The following AFTPH variants were observed in gnomAD, a reference collection of about 807,000 sequenced individuals.
The protein encoded by AFTPH is aftiphilin.
In AFTPH, 7 loss-of-function variants were observed where a neutral mutation model predicts 72.5. The observed-to-expected ratio is 0.10, with a 90% CI of 0.05 to 0.18. AFTPH has a LOEUF of 0.18. Ranked by LOEUF, AFTPH falls within the 10% of genes least tolerant of loss-of-function variation. The probability of loss-of-function intolerance (pLI) is 1.00; values close to 1 mark genes in which losing one functional copy is unlikely to be tolerated. For missense variants in AFTPH, 979 were observed against 1,060.5 expected, an observed-to-expected ratio of 0.92 and a Z score of 1.07; for synonymous variants, 337 against 370.1, an observed-to-expected ratio of 0.91 and a Z score of 1.03.
chr2:64,544,276 G>T (rs1670427872), intron 1 of AFTPH, among the ~76,000 whole-genome samples: 1 of 152,132 alleles, frequency 6.6e-6, no homozygotes, highest in African/African-American at 2.4e-5. Flanking sequence ...AGGATATCCT[G>T]TTTGCTACCC....
chr2:64,561,684 G>GA (rs1012265414), intron 2 of AFTPH, among the ~76,000 whole-genome samples: 38 of 148,794 alleles, frequency 2.6e-4, no homozygotes, highest in Non-Finnish European at 3.3e-4. Flanking sequence ...CTCTTAAAAA[G>GA]AAAAAAAAAA....
chr2:64,566,633 T>C (rs1394879799), intron 2 of AFTPH, among the ~76,000 whole-genome samples: 1 of 152,132 alleles, frequency 6.6e-6, no homozygotes, highest in Non-Finnish European at 1.5e-5. Flanking sequence ...TTGGGCTAAG[T>C]TGGAAAATAT....
At chr2:64,584,744 CCA>C (rs1673405829) in intron 7 of AFTPH, among the ~76,000 whole-genome samples, 2 of 151,926 alleles carry the variant, frequency 1.3e-5, no homozygotes, top group Admixed American at 6.6e-5. Context: ...CTACAGGCGC[CCA>C]CCACCATGCC....
intron 1 of AFTPH, among the ~76,000 whole-genome samples, chr2:64,546,491 C>T (rs1178982048): frequency 1.3e-5 from 2 of 151,928 alleles, no homozygotes; most frequent in African/African-American, 4.8e-5. Context: ...ACAGTGTTTA[C>T]TTAGCTAGAA....
chr2:64,539,855 A>T (rs1670120487), intron 1 of AFTPH, among the ~76,000 whole-genome samples: 1 of 152,142 alleles, frequency 6.6e-6, no homozygotes, highest in Admixed American at 6.6e-5. Context: ...AAGTCGAGAG[A>T]GTGAATAGGC....
In AFTPH at chr2:64,569,184, T is replaced by A. The variant is rs1340394152; in HGVS notation, c.2180T>A (p.Leu727His). ...GGCGGCTCCCATAGCAACAAGAAGCTTTTGTCCTCCTTGGGAATAGACACC... is the reference window on the plus strand; with the variant it reads ...GGCGGCTCCCATAGCAACAAGAAGCATTTGTCCTCCTTGGGAATAGACACC... Residue 727 changes from leucine to histidine, a missense_variant, in exon 4 of 9, where the codon CTT (leucine) becomes CAT (histidine). Physicochemically the swap from Leu to His is moderately conservative, Grantham distance 99. Around this residue, in one of 3 missense-constraint regions of AFTPH, gnomAD observed 438 missense variants for 530.0 expected, o/e 0.83. Transcript: ENST00000238856. The A allele has an allele frequency of 2.5e-6, 4 of 1,613,978 alleles. No homozygotes were observed. Among genetic ancestry groups the A allele is most frequent in the Non-Finnish European group, 3.4e-6 (4 of 1,179,906 alleles).
chr2:64,531,179 T>G (rs1669614040), intron 1 of AFTPH, among the ~76,000 whole-genome samples: 1 of 152,140 alleles, frequency 6.6e-6, no homozygotes, highest in Non-Finnish European at 1.5e-5. Context: ...TTTTCCAGAT[T>G]TTACCATCAT....
rs1446927902 is a variant in AFTPH at position 64,550,701 on chromosome 2, A to G, written c.-32-742A>G. Among the ~76,000 whole-genome samples the G allele has an allele frequency of 2.7e-5, 4 of 150,704 alleles. No individual in the cohort carries two copies. The South Asian group carries it at 6.3e-4, about 24-fold the overall frequency. On this transcript the variant is annotated intron_variant, in intron 1 of 8. Coordinates refer to ENST00000238856, the Ensembl canonical transcript of AFTPH. Reference sequence around the variant, plus strand: ...TGCACACACACACACACACACACACACACACACACACACACACACACACAC... The same window carrying G: ...TGCACACACACACACACACACACACGCACACACACACACACACACACACAC...
chr2:64,530,946 C>T (rs540561747), intron 1 of AFTPH, among the ~76,000 whole-genome samples: 2 of 151,394 alleles, frequency 1.3e-5, no homozygotes, highest in African/African-American at 2.4e-5. Context: ...CTTGTAATCC[C>T]AGCTACTCGG....
chr2:64,589,001 A>T (rs1385513196), intron 8 of AFTPH, among the ~76,000 whole-genome samples: 1 of 152,182 alleles, frequency 6.6e-6, no homozygotes, highest in African/African-American at 2.4e-5. Flanking sequence ...ATCTTTTCCA[A>T]TTCTGCAGGT....
chr2:64,538,650 C>CT (rs1363899095), intron 1 of AFTPH, among the ~76,000 whole-genome samples: 1 of 152,104 alleles, frequency 6.6e-6, no homozygotes, highest in Non-Finnish European at 1.5e-5. Context: ...ATCTTTTTCT[C>CT]TTAATTGATG....
At position 64,577,098 on chromosome 2, in the gene AFTPH, T is replaced by G. The variant is rs985837502; in HGVS notation, c.2395-2388T>G. The stretch of plus-strand genomic sequence containing the variant: ...TTACAGCATTGGAAAGGCTAAGTGA[T>G]TTACCCAAAACCATGTATTAGTGGT... On this transcript the variant is annotated intron_variant, in intron 6 of 8. Coordinates refer to ENST00000238856, the Ensembl canonical transcript of AFTPH. Among the ~76,000 whole-genome samples the G allele has an allele frequency of 5.9e-5, 9 of 152,176 alleles. 1 individual carries two copies. The highest frequency in any genetic ancestry group is 5.9e-4 in the Admixed American group (9 of 15,282).
At chr2:64,576,120 T>C (rs868246414) in intron 6 of AFTPH, among the ~76,000 whole-genome samples, 3 of 131,156 alleles carry the variant, frequency 2.3e-5, no homozygotes, top group Non-Finnish European at 1.6e-5. Flanking sequence ...CACACACACG[T>C]GTGTCATACA....
intron 1 of AFTPH, among the ~76,000 whole-genome samples, chr2:64,535,305 A>T (rs1394645154): frequency 6.6e-6 from 1 of 152,204 alleles, no homozygotes; most frequent in Non-Finnish European, 1.5e-5. Flanking sequence ...CGAAACTTTT[A>T]AAAAAGATGT....
intron 1 of AFTPH, among the ~76,000 whole-genome samples, chr2:64,525,132 G>T (rs1669177049): frequency 6.6e-6 from 1 of 152,210 alleles, no homozygotes; most frequent in Non-Finnish European, 1.5e-5. Context: ...AACAGGCAGA[G>T]GGGACAGCCC....
In AFTPH at chr2:64,553,398, A is replaced by G. The variant is rs185828021; in HGVS notation, c.1924A>G (p.Thr642Ala). The G allele has an allele frequency of 4.0e-5, 63 of 1,579,050 alleles. No homozygotes were observed. In the East Asian group the frequency reaches 7.0e-4, roughly 17 times the overall value. ...TAGTGGCCATTTACAGGAATCAGCC[A>G]CTTCAGTTCAGGTATTTACTAATTT... Residue 642 changes from threonine to alanine, a missense_variant, in exon 2 of 9, where the codon ACT becomes GCT. Thr to Ala is a moderately conservative substitution (Grantham distance 58). Transcript: ENST00000238856.
At chr2:64,589,638 G>C (rs1162241688) in intron 8 of AFTPH, among the ~76,000 whole-genome samples, 1 of 152,016 alleles carries the variant, frequency 6.6e-6, no homozygotes, top group Non-Finnish European at 1.5e-5. Flanking sequence ...TCTGAAATAA[G>C]GCAATTGTTT....
In AFTPH at chr2:64,584,885, C is replaced by T. The variant is rs964052066; in HGVS notation, c.2456-537C>T. ...TGCTGGGATTACAGGCGTGAGCCACCGCGCCTGGCCAGTCATGATATATTT... is the reference window on the plus strand; with the variant it reads ...TGCTGGGATTACAGGCGTGAGCCACTGCGCCTGGCCAGTCATGATATATTT... On this transcript the variant is annotated intron_variant, in intron 7 of 8. Transcript: ENST00000238856. Among the ~76,000 whole-genome samples the T allele has an allele frequency of 3.9e-5, 6 of 152,102 alleles. No homozygotes were observed. The East Asian group carries it at 5.8e-4, about 15-fold the overall frequency.
At chr2:64,542,764 C>G (rs1670333877) in intron 1 of AFTPH, among the ~76,000 whole-genome samples, 1 of 152,038 alleles carries the variant, frequency 6.6e-6, no homozygotes, top group South Asian at 2.1e-4. Context: ...TCTTAAGTGA[C>G]TTATTCTTTC....
Sources: gnomAD v4.1 joint callset for allele counts (sites outside exome capture counted in the v4.1 genomes callset) on GRCh38, gnomAD v4.1.1 for gene constraint, gnomAD v4.1.1 regional missense constraint, MANE v1.5 for transcripts, NCBI Gene and HGNC (gene_info 2026-07-23, HGNC 2026-07-21) for gene names.